The following FYN variants were observed in gnomAD, a reference collection of about 807,000 sequenced individuals.
FYN encodes FYN proto-oncogene, Src family tyrosine kinase, also known as tyrosine-protein kinase Fyn.
In FYN, 10 loss-of-function variants were observed where a neutral mutation model predicts 70.2. The ratio of observed to expected loss-of-function variants is 0.14; its 90% CI spans 0.09 to 0.24. The LOEUF (loss-of-function observed/expected upper bound fraction) is 0.24, where lower values mean the gene tolerates loss of function less well. Among genes scored for constraint, FYN ranks in the 10% least tolerant of loss-of-function variants. The pLI, the probability that FYN is intolerant of heterozygous loss-of-function variation, is 1.00. For missense variants in FYN, 319 were observed against 673.1 expected, an observed-to-expected ratio of 0.47 and a Z score of 5.82; for synonymous variants, 236 against 248.6, an observed-to-expected ratio of 0.95 and a Z score of 0.48.
intron 4 of FYN, among the ~76,000 whole-genome samples, chr6:111,718,706 T>C (rs1336425018): frequency 6.6e-6 from 1 of 152,024 alleles, no homozygotes; most frequent in African/African-American, 2.4e-5. Context: ...TTTGGGAAGG[T>C]GGGAAGGATG....
At chr6:111,844,297 A>C (rs1438060086) in intron 2 of FYN, among the ~76,000 whole-genome samples, 1 of 152,264 alleles carries the variant, frequency 6.6e-6, no homozygotes, top group African/African-American at 2.4e-5. Flanking sequence ...AAAAGAGGAA[A>C]CTTAAAAATC....
intron 3 of FYN, among the ~76,000 whole-genome samples, chr6:111,768,735 T>C (rs572102544): frequency 1.3e-5 from 2 of 152,330 alleles, no homozygotes; most frequent in African/African-American, 4.8e-5. Flanking sequence ...TCCATCACTC[T>C]CAGTCAACTA....
At chr6:111,815,567 C>A (rs778158365) in intron 2 of FYN, among the ~76,000 whole-genome samples, 11 of 152,068 alleles carry the variant, frequency 7.2e-5, no homozygotes, top group Non-Finnish European at 1.6e-4. Context: ...AAATGCTGTA[C>A]AGTCTTAGTA....
At chr6:111,829,700 G>A (rs749356699) in intron 2 of FYN, among the ~76,000 whole-genome samples, 7 of 152,180 alleles carry the variant, frequency 4.6e-5, no homozygotes, top group Non-Finnish European at 1.0e-4. Context: ...CCTGACTTGC[G>A]GCTTGTTCAG....
chr6:111,848,042 C>G (rs1275506429), intron 1 of FYN, among the ~76,000 whole-genome samples: 2 of 152,192 alleles, frequency 1.3e-5, no homozygotes, highest in Non-Finnish European at 2.9e-5. Flanking sequence ...CACTGCTAAG[C>G]TGTAAAAAAT....
At chr6:111,687,487 AC>A (rs1457183160) in intron 12 of FYN, among the ~76,000 whole-genome samples, 6 of 151,804 alleles carry the variant, frequency 4.0e-5, no homozygotes, top group Non-Finnish European at 7.4e-5. Context: ...CCATAGAGCA[AC>A]CCCAGTTCCT....
intron 2 of FYN, among the ~76,000 whole-genome samples, chr6:111,819,461 T>G (rs1772588865): frequency 6.6e-6 from 1 of 152,202 alleles, no homozygotes; most frequent in Non-Finnish European, 1.5e-5. Flanking sequence ...CAACTAAATC[T>G]TGGATTATTG....
At chr6:111,710,741 A>G (rs1367223617) in intron 5 of FYN, among the ~76,000 whole-genome samples, 1 of 152,238 alleles carries the variant, frequency 6.6e-6, no homozygotes, top group East Asian at 1.9e-4. Flanking sequence ...ATACACTAGA[A>G]GCACCAATTC....
At chr6:111,796,370 T>C (rs577748660) in intron 2 of FYN, among the ~76,000 whole-genome samples, 25 of 152,352 alleles carry the variant, frequency 1.6e-4, no homozygotes, top group African/African-American at 5.8e-4. Context: ...CATTGTGTTA[T>C]AATTACCTAC....
intron 3 of FYN, among the ~76,000 whole-genome samples, chr6:111,749,326 T>A (rs1802384050): frequency 6.6e-6 from 1 of 152,206 alleles, no homozygotes; most frequent in Admixed American, 6.5e-5. Context: ...GCAATGATAA[T>A]CATGTTTATG....
intron 1 of FYN, among the ~76,000 whole-genome samples, chr6:111,859,415 A>G (rs957050623): frequency 5.3e-5 from 8 of 152,112 alleles, no homozygotes; most frequent in African/African-American, 1.9e-4. Flanking sequence ...TTATCCATCT[A>G]TTTACACACT....
rs190179656 is a variant in FYN, at chr6:111,728,924, G to C, written c.-11-8862C>G. Among the ~76,000 whole-genome samples, 476 of 151,790 alleles carry C rather than the reference G, an allele frequency of 3.1e-3. 2 individuals carry two copies. The highest frequency in any genetic ancestry group is 0.011 in the African/African-American group (454 of 41,378). On this transcript the variant is annotated intron_variant, in intron 3 of 13. Coordinates refer to ENST00000354650, the MANE Select transcript of FYN (RefSeq NM_002037.5). ...AGTTTAGGAAACAGAAACATATATT[G>C]GCAACAAAAAAAGGAAAAACAATTT... is the stretch of plus-strand genomic sequence containing the variant.
chr6:111,727,959 C>G (rs187651355), intron 3 of FYN, among the ~76,000 whole-genome samples: 23 of 152,108 alleles, frequency 1.5e-4, no homozygotes, highest in African/African-American at 5.5e-4. Flanking sequence ...TTCTCGAGCC[C>G]GAAGACTCAA....
chr6:111,839,557 T>G (rs1177222899), intron 2 of FYN, among the ~76,000 whole-genome samples: 1 of 152,102 alleles, frequency 6.6e-6, no homozygotes, highest in Non-Finnish European at 1.5e-5. Flanking sequence ...CCTCTTACTC[T>G]ACACTGGTCA....
At chr6:111,838,001 G>A (rs938662919) in intron 2 of FYN, among the ~76,000 whole-genome samples, 17 of 151,978 alleles carry the variant, frequency 1.1e-4, no homozygotes, top group African/African-American at 3.6e-4. Flanking sequence ...CTTAATGAAC[G>A]CCCCTAGATC....
intron 3 of FYN, among the ~76,000 whole-genome samples, chr6:111,747,980 C>A (rs12195511): frequency 0.32 from 48,375 of 152,110 alleles, 8,771 homozygotes; most frequent in East Asian, 0.47. Flanking sequence ...GTTTCCTTCC[C>A]TCAGCCAGTT....
chr6:111,671,518 A>T (rs1446127664), intron 13 of FYN, among the ~76,000 whole-genome samples: 2 of 152,216 alleles, frequency 1.3e-5, no homozygotes, highest in African/African-American at 4.8e-5. Flanking sequence ...ACTCAGAAAA[A>T]TGTACCACCA....
chr6:111,836,863 T>C (rs1245828636), intron 2 of FYN, among the ~76,000 whole-genome samples: 2 of 152,226 alleles, frequency 1.3e-5, no homozygotes, highest in Non-Finnish European at 2.9e-5. Context: ...GTATTTGTTG[T>C]TGTTATTAAA....
chr6:111,772,897 G>T (rs985528648), intron 3 of FYN, among the ~76,000 whole-genome samples: 48 of 151,866 alleles, frequency 3.2e-4, no homozygotes, highest in African/African-American at 1.2e-3. Context: ...GGACTGTATT[G>T]TTGAAATTTG....
Sources: gnomAD v4.1 joint callset for allele counts (sites outside exome capture counted in the v4.1 genomes callset) on GRCh38, gnomAD v4.1.1 for gene constraint, MANE v1.5 for transcripts, NCBI Gene and HGNC (gene_info 2026-07-23, HGNC 2026-07-21) for gene names.